The following UBE2W variants were observed in gnomAD, a reference collection of about 807,000 sequenced individuals.
The protein encoded by UBE2W is ubiquitin conjugating enzyme E2 W, also known as ubiquitin-conjugating enzyme E2 W.
In UBE2W, 18 loss-of-function variants were observed where a neutral mutation model predicts 27.2. That is an observed-to-expected ratio of 0.66 (90% CI 0.46 to 0.98). UBE2W has a LOEUF of 0.98. Among genes scored for constraint, UBE2W ranks in the 50% least tolerant of loss-of-function variants. The pLI is 0.00. For synonymous variants in UBE2W, 53 were observed against 57.2 expected (o/e 0.93, Z 0.33); for missense variants, 90 against 180.2 (o/e 0.50, Z 2.87).
chr8:73,805,460 A>AAAAAAACAAACAAAC (rs1808843297), intron 5 of UBE2W, among the ~76,000 whole-genome samples, 191 bp downstream of exon 5: 1 of 116,346 alleles, frequency 8.6e-6, no homozygotes, highest in Non-Finnish European at 1.7e-5. Context: ...ATCTCAAAAA[A>AAAAAAACAAACAAAC]AAAAAAAAAA....
chr8:73,788,699 C>T lies in UBE2W; in HGVS notation c.*5403G>A. ...CAAGTGATGTCATTTTGAAATCATG[C>T]TTTTGCCTTTGAGAAAACAACTTAG... On this transcript the variant is annotated 3_prime_UTR_variant, in exon 6 of 6. Transcript: ENST00000602593. 1.0e-6 allele frequency: 1 copy of T among 985,356 alleles called. No homozygotes were observed. Among genetic ancestry groups the T allele is most frequent in the Non-Finnish European group, 1.2e-6 (1 of 829,918 alleles). The allele number at this position is 985,356 out of a possible 1,614,324, so 61.0% of individuals were successfully genotyped here. A position where few individuals can be genotyped will look rare whatever the true frequency, so the allele number is the denominator to read the frequency against.
rs1399848860 is a variant in UBE2W at position 73,793,193 on chromosome 8, T to C, written c.*909A>G. ...AATAGTGTTTAGGCAGTAGGGCTCATGCTGATGGCTAGCAGGAAGTTAACA... is the reference window on the plus strand; with the variant it reads ...AATAGTGTTTAGGCAGTAGGGCTCACGCTGATGGCTAGCAGGAAGTTAACA... On this transcript the variant is annotated 3_prime_UTR_variant, in exon 6 of 6. Coordinates refer to ENST00000602593, the MANE Select transcript of UBE2W (RefSeq NM_018299.6). 6 of 985,862 alleles carry C rather than the reference T, an allele frequency of 6.1e-6. No individual in the cohort carries two copies. The highest frequency in any genetic ancestry group is 7.2e-6 in the Non-Finnish European group (6 of 829,904). The allele number at this position is 985,862 out of a possible 1,614,324, so 61.1% of individuals were successfully genotyped here.
chr8:73,863,360 T>C (rs1375017929), intron 1 of UBE2W, among the ~76,000 whole-genome samples: 2 of 140,134 alleles, frequency 1.4e-5, no homozygotes, highest in East Asian at 2.1e-4. Flanking sequence ...TTCTCACTCA[T>C]AGGTGGGAAT....
chr8:73,780,545 A>T (rs1373373618), intron 4 of UBE2W: 2 of 447,602 alleles, frequency 4.5e-6, no homozygotes, highest in Non-Finnish European at 4.5e-6. Context: ...TTATTTATTT[A>T]TTTTTTGAGA....
At chr8:73,845,840 T>C (rs527721286) in intron 1 of UBE2W, among the ~76,000 whole-genome samples, 2 of 152,224 alleles carry the variant, frequency 1.3e-5, no homozygotes, top group African/African-American at 4.8e-5. Context: ...AGTAAAAATA[T>C]ATTTTATGTA....
chr8:73,872,765 A>C (rs1247237673), intron 1 of UBE2W, among the ~76,000 whole-genome samples: 2 of 152,244 alleles, frequency 1.3e-5, no homozygotes, highest in Non-Finnish European at 2.9e-5. Context: ...GAAAAGAAGA[A>C]ATATTCCTGA....
intron 5 of UBE2W, among the ~76,000 whole-genome samples, chr8:73,798,839 G>A (rs1280145100): frequency 2.0e-5 from 3 of 152,126 alleles, no homozygotes; most frequent in African/African-American, 7.2e-5. Flanking sequence ...TTCTAAGGAA[G>A]ATTCTAGCAC....
intron 4 of UBE2W, chr8:73,780,556 C>T (rs773200222): frequency 4.0e-5 from 18 of 447,884 alleles, no homozygotes; most frequent in Admixed American, 3.6e-4. Context: ...TTTTTTGAGA[C>T]AGTATGTCAC....
intron 4 of UBE2W, among the ~76,000 whole-genome samples, chr8:73,806,543 A>AT (rs1461181597): frequency 1.7e-5 from 2 of 118,346 alleles, no homozygotes; most frequent in Non-Finnish European, 3.1e-5. Flanking sequence ...TAAAAATACA[A>AT]AAAAAAAAAA....
intron 1 of UBE2W, among the ~76,000 whole-genome samples, chr8:73,867,299 G>A (rs1811817962): frequency 6.6e-6 from 1 of 152,182 alleles, no homozygotes. Context: ...CACTTTGGGA[G>A]ACTGAGGCGG....
At chr8:73,869,080 T>C in intron 1 of UBE2W, among the ~76,000 whole-genome samples, 1 of 152,180 alleles carries the variant, frequency 6.6e-6, no homozygotes, top group East Asian at 1.9e-4. Flanking sequence ...GGCCATTACT[T>C]GGCTACGAAA....
At chr8:73,865,164 T>C (rs7829602) in intron 1 of UBE2W, among the ~76,000 whole-genome samples, 2,770 of 132,808 alleles carry the variant, frequency 0.021, 107 homozygotes, top group African/African-American at 0.088. Flanking sequence ...TCACTGCTCT[T>C]TAAGTGTGCA....
rs1316913028 is a variant in UBE2W at position 73,788,439 on chromosome 8, G to T, written c.*5663C>A. ...AAAACAAACAAATTCATTTTGACCT[G>T]AACATGCATTTAGTTTTTGGCTACT... On this transcript the variant is annotated 3_prime_UTR_variant, in exon 6 of 6. Transcript: ENST00000602593. 1.0e-6 allele frequency: 1 copy of T among 985,386 alleles called. No individual in the cohort carries two copies. Among genetic ancestry groups the T allele is most frequent in the Non-Finnish European group, 1.2e-6 (1 of 829,914 alleles). The allele number at this position is 985,386 out of a possible 1,614,324, so 61.0% of individuals were successfully genotyped here. A position where few individuals can be genotyped will look rare whatever the true frequency, so the allele number is the denominator to read the frequency against.
intron 5 of UBE2W, among the ~76,000 whole-genome samples, chr8:73,803,987 C>T (rs1586453402): frequency 2.0e-5 from 3 of 151,110 alleles, no homozygotes; most frequent in African/African-American, 7.3e-5. Context: ...AGGATGGTCT[C>T]AATCTCCTGG....
intron 1 of UBE2W, chr8:73,870,199 T>C: frequency 4.0e-6 from 6 of 1,499,400 alleles, no homozygotes; most frequent in South Asian, 2.4e-5. Flanking sequence ...AAATGGACTT[T>C]AATAGCTCAC....
At chr8:73,844,266 AG>A (rs1183712484) in intron 1 of UBE2W, among the ~76,000 whole-genome samples, 1 of 140,146 alleles carries the variant, frequency 7.1e-6, no homozygotes, top group African/African-American at 2.9e-5. Flanking sequence ...CTCCTGCCTC[AG>A]CCTGCCAGTG....
At chr8:73,851,251 T>G (rs538098397) in intron 1 of UBE2W, among the ~76,000 whole-genome samples, 2,123 of 151,124 alleles carry the variant, frequency 0.014, 10 homozygotes, top group Non-Finnish European at 0.021. Context: ...AGCAACAGGG[T>G]GGTAGCAGAA....
intron 3 of UBE2W, among the ~76,000 whole-genome samples, chr8:73,811,378 TTAAAG>T (rs1174422667): frequency 3.3e-5 from 5 of 152,276 alleles, no homozygotes; most frequent in East Asian, 3.9e-4. Context: ...AACAAATATC[TTAAAG>T]TAGTTTTTCT....
chr8:73,845,345 C>T (rs1234421265), intron 1 of UBE2W, among the ~76,000 whole-genome samples: 4 of 152,176 alleles, frequency 2.6e-5, no homozygotes, highest in Non-Finnish European at 5.9e-5. Flanking sequence ...TAGGAGACTC[C>T]ATTTTGTTCC....
Sources: allele counts gnomAD v4.1 joint callset (sites outside exome capture counted in the v4.1 genomes callset), GRCh38; gene constraint gnomAD v4.1.1; transcripts MANE v1.5; gene names NCBI Gene and HGNC (gene_info 2026-07-23, HGNC 2026-07-21).